ILKAP: variants seen among roughly 807,000 people sequenced by gnomAD.
The protein encoded by ILKAP is integrin-linked kinase-associated serine/threonine phosphatase 2C.
ILKAP carries 11 observed loss-of-function variants against 49.1 expected under a neutral mutation model. The observed-to-expected ratio is 0.22, with a 90% confidence interval of 0.14 to 0.37. The LOEUF (loss-of-function observed/expected upper bound fraction) is 0.37, where lower values mean the gene tolerates loss of function less well. Among genes scored for constraint, ILKAP ranks in the 10% least tolerant of loss-of-function variants. The pLI is 1.00. For missense variants in ILKAP, 363 were observed against 510.8 expected (o/e 0.71, Z 2.79); for synonymous variants, 186 against 192.8 (o/e 0.96, Z 0.29).
intron 1 of ILKAP, among the ~76,000 whole-genome samples, chr2:238,200,454 G>GTA (rs1308651658): frequency 1.3e-5 from 2 of 152,204 alleles, no homozygotes; most frequent in African/African-American, 4.8e-5. Flanking sequence ...AAGCAGTGTA[G>GTA]TATTCTCCCT....
intron 7 of ILKAP, 91 bp downstream of exon 7, chr2:238,183,929 C>A: frequency 1.0e-6 from 1 of 995,534 alleles, no homozygotes; most frequent in Non-Finnish European, 1.6e-6. Flanking sequence ...AGACAGTGAG[C>A]AATAGTGTTA....
At chr2:238,190,018 T>C in intron 3 of ILKAP, 46 bp from the exon 4 acceptor site, 2 of 1,601,932 alleles carry the variant, frequency 1.2e-6, no homozygotes, top group Non-Finnish European at 1.7e-6. Flanking sequence ...TGTAGACTGT[T>C]GGAAAAAGTC....
chr2:238,179,865 T>C (rs1299824540), intron 9 of ILKAP, among the ~76,000 whole-genome samples: 2 of 152,166 alleles, frequency 1.3e-5, no homozygotes, highest in African/African-American at 4.8e-5. Context: ...ACTGCTGGCC[T>C]ATAACATGGT....
At chr2:238,202,979 T>A (rs1694633875) in intron 1 of ILKAP, among the ~76,000 whole-genome samples, 1 of 151,572 alleles carries the variant, frequency 6.6e-6, no homozygotes, top group Non-Finnish European at 1.5e-5. Context: ...ACACGAAGGA[T>A]TAAGATGGTG....
intron 9 of ILKAP, among the ~76,000 whole-genome samples, chr2:238,178,029 A>G (rs1412848339): frequency 2.6e-5 from 4 of 152,238 alleles, no homozygotes; most frequent in Non-Finnish European, 5.9e-5. Flanking sequence ...AAACTGAATA[A>G]AAATAAATGG....
intron 1 of ILKAP, among the ~76,000 whole-genome samples, chr2:238,195,397 T>A (rs1247200025): frequency 6.6e-6 from 1 of 151,136 alleles, no homozygotes; most frequent in Non-Finnish European, 1.5e-5. Flanking sequence ...CCCAGCACAG[T>A]GTCTGATTCA....
At chr2:238,200,829 T>C (rs1315303924) in intron 1 of ILKAP, among the ~76,000 whole-genome samples, 1 of 152,132 alleles carries the variant, frequency 6.6e-6, no homozygotes, top group Admixed American at 6.6e-5. Flanking sequence ...TCAAAAATAA[T>C]AACCCTGGCT....
chr2:238,175,362 G>C (rs1335236902), intron 9 of ILKAP, among the ~76,000 whole-genome samples: 1 of 152,166 alleles, frequency 6.6e-6, no homozygotes, highest in South Asian at 2.1e-4. Flanking sequence ...CCAAAGTGCT[G>C]AGATTACAGG....
At chr2:238,178,420 G>A (rs1200156617) in intron 9 of ILKAP, among the ~76,000 whole-genome samples, 3 of 152,226 alleles carry the variant, frequency 2.0e-5, no homozygotes, top group South Asian at 4.2e-4. Context: ...AACTCCTGAC[G>A]TGGAGCGATC....
At chr2:238,180,210 T>C (rs1420705506) in intron 9 of ILKAP, among the ~76,000 whole-genome samples, 2 of 135,498 alleles carry the variant, frequency 1.5e-5, no homozygotes, top group Non-Finnish European at 3.3e-5. Flanking sequence ...GAAAAAGAAA[T>C]GCCAAGTCCA....
intron 1 of ILKAP, among the ~76,000 whole-genome samples, chr2:238,202,930 G>C (rs964598554): frequency 6.6e-6 from 1 of 151,280 alleles, no homozygotes. Context: ...CAAAATCACA[G>C]GATGACAGAG....
At chr2:238,176,101 C>A (rs1238796879) in intron 9 of ILKAP, among the ~76,000 whole-genome samples, 3 of 150,858 alleles carry the variant, frequency 2.0e-5, no homozygotes, top group African/African-American at 4.9e-5. Context: ...GTTTCCCCCC[C>A]ACCCTCATAA....
At chr2:238,197,085 A>T (rs1327562469) in intron 1 of ILKAP, among the ~76,000 whole-genome samples, 1 of 152,216 alleles carries the variant, frequency 6.6e-6, no homozygotes, top group Non-Finnish European at 1.5e-5. Flanking sequence ...AGCCCCAGCT[A>T]CTTGGGAGGC....
At chr2:238,180,494 C>T (rs1007173122) in intron 9 of ILKAP, among the ~76,000 whole-genome samples, 1 of 152,236 alleles carries the variant, frequency 6.6e-6, no homozygotes, top group Admixed American at 6.5e-5. Context: ...ACAATGTTCA[C>T]TGCTAGTAGA....
intron 4 of ILKAP, 28 bp downstream of exon 4, chr2:238,189,825 T>C (rs1487000148): frequency 1.9e-6 from 3 of 1,609,396 alleles, no homozygotes; most frequent in Non-Finnish European, 2.5e-6. Context: ...TGAAGTCTAA[T>C]ACATTTGTTT....
chr2:238,202,904 C>A (rs994394177), intron 1 of ILKAP, among the ~76,000 whole-genome samples: 2 of 143,394 alleles, frequency 1.4e-5, no homozygotes, highest in Non-Finnish European at 3.1e-5. Flanking sequence ...AAAAAAAAAA[C>A]TACTGTTAAT....
At chr2:238,185,046 C>G in intron 6 of ILKAP, 135 bp downstream of exon 6, 1 of 573,270 alleles carries the variant, frequency 1.7e-6, no homozygotes, top group Non-Finnish European at 3.1e-6. Flanking sequence ...TTGGCATCCA[C>G]TCCTCAGCAC....
chr2:238,172,635 A>T (rs1325904998), intron 10 of ILKAP, among the ~76,000 whole-genome samples: 3 of 152,206 alleles, frequency 2.0e-5, no homozygotes, highest in Non-Finnish European at 4.4e-5. Flanking sequence ...ACACTGAAGA[A>T]GATGTGGAGA....
intron 9 of ILKAP, among the ~76,000 whole-genome samples, chr2:238,176,980 G>A (rs1693488977): frequency 6.6e-6 from 1 of 152,130 alleles, no homozygotes; most frequent in Non-Finnish European, 1.5e-5. Flanking sequence ...GGTTATCAGA[G>A]GCCTGCACTT....
Sources: allele counts gnomAD v4.1 joint callset (sites outside exome capture counted in the v4.1 genomes callset), GRCh38; gene constraint gnomAD v4.1.1; transcripts MANE v1.5; gene names NCBI Gene and HGNC (gene_info 2026-07-23, HGNC 2026-07-21).